CSMD1: variants seen among roughly 807,000 people sequenced by gnomAD.
CSMD1 encodes CUB and Sushi multiple domains 1, also known as CUB and sushi domain-containing protein 1.
CSMD1 carries 213 observed loss-of-function variants against 417.5 expected under a neutral mutation model. That is an observed-to-expected ratio of 0.51 (90% confidence interval 0.46 to 0.57). The LOEUF is 0.57. CSMD1 is among the 20% of genes least tolerant of loss of function. CSMD1 has a pLI of 0.00. For synonymous variants in CSMD1, 2,862 were observed against 1,736.8 expected, an observed-to-expected ratio of 1.65 and a Z score of -16.11; for missense variants, 6,923 against 4,529.7, an observed-to-expected ratio of 1.53 and a Z score of -15.17.
At chr8:4,516,413 C>T (rs1358571939) in intron 2 of CSMD1, among the ~76,000 whole-genome samples, 1 of 152,172 alleles carries the variant, frequency 6.6e-6, no homozygotes, top group African/African-American at 2.4e-5. Flanking sequence ...CTCCAAGCTG[C>T]TGGTGTCCAT....
At chr8:4,197,513 C>A (rs913908599) in intron 3 of CSMD1, among the ~76,000 whole-genome samples, 1 of 152,182 alleles carries the variant, frequency 6.6e-6, no homozygotes, top group Non-Finnish European at 1.5e-5. Context: ...TCAAGTAAGA[C>A]AGAGTTCCCT....
At chr8:3,250,856 GTCT>G (rs1402882554) in intron 26 of CSMD1, among the ~76,000 whole-genome samples, 2 of 152,184 alleles carry the variant, frequency 1.3e-5, no homozygotes, top group African/African-American at 4.8e-5. Flanking sequence ...CTGCATAAAT[GTCT>G]TCTTTTGAGA....
chr8:3,772,398 C>CATATATTCATATATTTAT (rs1563064173), intron 5 of CSMD1, among the ~76,000 whole-genome samples: 5 of 100,442 alleles, frequency 5.0e-5, no homozygotes, highest in Non-Finnish European at 9.9e-5. Context: ...TATATATACA[C>CATATATTCATATATTTAT]ATATATACAT....
At chr8:4,555,104 T>C (rs6995505) in intron 2 of CSMD1, among the ~76,000 whole-genome samples, 2,703 of 152,288 alleles carry the variant, frequency 0.018, 88 homozygotes, top group African/African-American at 0.062. Context: ...TTAGGAATGA[T>C]AGGATGCTTT....
intron 19 of CSMD1, among the ~76,000 whole-genome samples, chr8:3,368,202 A>C (rs772451339): frequency 1.3e-5 from 2 of 152,152 alleles, no homozygotes; most frequent in Non-Finnish European, 2.9e-5. Flanking sequence ...TTCTTCTTTC[A>C]TGTCATTCAT....
intron 1 of CSMD1, among the ~76,000 whole-genome samples, chr8:4,640,662 G>T (rs1050963689): frequency 6.6e-6 from 1 of 152,032 alleles, no homozygotes; most frequent in Admixed American, 6.5e-5. Context: ...TATTTTAATT[G>T]AATATTCTTA....
At chr8:3,146,195 A>G (rs1169073785) in intron 40 of CSMD1, among the ~76,000 whole-genome samples, 1 of 152,210 alleles carries the variant, frequency 6.6e-6, no homozygotes, top group Non-Finnish European at 1.5e-5. Flanking sequence ...ATAAAAGATA[A>G]TGGGGTAAGG....
At chr8:4,098,286 C>T (rs1283912069) in intron 3 of CSMD1, among the ~76,000 whole-genome samples, 1 of 151,970 alleles carries the variant, frequency 6.6e-6, no homozygotes, top group Non-Finnish European at 1.5e-5. Flanking sequence ...GAACAAAAGG[C>T]AAGTAATTTG....
intron 2 of CSMD1, among the ~76,000 whole-genome samples, chr8:4,516,009 G>A (rs1437691543): frequency 2.0e-5 from 3 of 152,188 alleles, no homozygotes; most frequent in African/African-American, 7.2e-5. Context: ...AGACTTTGGA[G>A]TTGTAAGATC....
At chr8:4,023,938 G>GCTTTTCAACTTTTCAACTTTTA (rs1796927568) in intron 4 of CSMD1, among the ~76,000 whole-genome samples, 3 of 151,584 alleles carry the variant, frequency 2.0e-5, no homozygotes. Context: ...ACTTTTACAA[G>GCTTTTCAACTTTTCAACTTTTA]CAGACTTTAG....
chr8:3,053,621 C>G (rs1337339890), intron 49 of CSMD1, among the ~76,000 whole-genome samples: 2 of 152,124 alleles, frequency 1.3e-5, no homozygotes, highest in Non-Finnish European at 2.9e-5. Context: ...GGTATGCATG[C>G]AGATGAGGTT....
At chr8:4,500,225 G>A (rs1056123181) in intron 2 of CSMD1, among the ~76,000 whole-genome samples, 1 of 151,948 alleles carries the variant, frequency 6.6e-6, no homozygotes, top group South Asian at 2.1e-4. Flanking sequence ...GGTTGGCTTA[G>A]TGAATATAAA....
chr8:3,657,997 T>C (rs1222589208), intron 7 of CSMD1, among the ~76,000 whole-genome samples: 1 of 152,088 alleles, frequency 6.6e-6, no homozygotes, highest in Non-Finnish European at 1.5e-5. Context: ...TAAAGAGAAG[T>C]TTGGGATTTG....
intron 2 of CSMD1, among the ~76,000 whole-genome samples, chr8:4,498,233 C>T (rs1802074719): frequency 6.6e-6 from 1 of 152,164 alleles, no homozygotes; most frequent in Admixed American, 6.5e-5. Flanking sequence ...TTGGCTGACT[C>T]AACTCTTGCT....
Position 3,599,147 on chromosome 8 carries a change from G to GTGTC in CSMD1, c.1098-12891_1098-12888dup, listed in dbSNP as rs1554483027. On this transcript the variant is annotated intron_variant, in intron 8 of 69. Coordinates refer to ENST00000635120, the MANE Select transcript of CSMD1 (RefSeq NM_033225.6). ...CTGCTGTGTGTGTGTGTGTGTGTGT[G>GTGTC]TGTCTGTGTGTGTGTCTGTGTGTGT... Among the ~76,000 whole-genome samples, 10 of 137,174 alleles carry GTGTC rather than the reference G, an allele frequency of 7.3e-5. No individual in the cohort carries two copies. The South Asian group carries it at 1.8e-3, about 25-fold the overall frequency. 90.0% of individuals were successfully genotyped at this position (137,174 alleles called of 152,430 possible).
At chr8:3,294,323 T>C (rs2406456) in intron 25 of CSMD1, among the ~76,000 whole-genome samples, 74,927 of 151,902 alleles carry the variant, frequency 0.49, 20,814 homozygotes, top group South Asian at 0.63. Flanking sequence ...AGCTGTGTGC[T>C]GGGAGATCCA....
intron 7 of CSMD1, among the ~76,000 whole-genome samples, chr8:3,667,129 T>G (rs865912536): frequency 8.5e-5 from 13 of 152,224 alleles, no homozygotes; most frequent in South Asian, 6.2e-4. Context: ...TACACCAGTT[T>G]GGGAGTGAGG....
At chr8:4,178,338 T>A (rs1798171303) in intron 3 of CSMD1, among the ~76,000 whole-genome samples, 1 of 151,338 alleles carries the variant, frequency 6.6e-6, no homozygotes, top group African/African-American at 2.4e-5. Flanking sequence ...ACCACATGAT[T>A]ATCTCAATAG....
At chr8:3,122,753 G>A (rs958904509) in intron 41 of CSMD1, among the ~76,000 whole-genome samples, 10 of 152,074 alleles carry the variant, frequency 6.6e-5, no homozygotes, top group Non-Finnish European at 1.5e-4. Flanking sequence ...CAGCTCCCCC[G>A]ACCCCAGCCA....
Sources: gnomAD v4.1 joint callset for allele counts (sites outside exome capture counted in the v4.1 genomes callset) on GRCh38, gnomAD v4.1.1 for gene constraint, MANE v1.5 for transcripts, NCBI Gene and HGNC (gene_info 2026-07-23, HGNC 2026-07-21) for gene names.